CPQ: variants seen among roughly 807,000 people sequenced by gnomAD.
The protein encoded by CPQ is carboxypeptidase Q, also known as Ser-Met dipeptidase.
CPQ carries 37 observed loss-of-function variants against 45.7 expected under a neutral mutation model. The ratio of observed to expected loss-of-function variants is 0.81; its 90% CI spans 0.62 to 1.07. CPQ has a LOEUF of 1.07. CPQ is among the 50% of genes least tolerant of loss of function. CPQ has a pLI of 0.00. For synonymous variants in CPQ, 186 were observed against 205.8 expected, an observed-to-expected ratio of 0.90 and a Z score of 0.82; for missense variants, 537 against 572.9, an observed-to-expected ratio of 0.94 and a Z score of 0.64.
intron 4 of CPQ, among the ~76,000 whole-genome samples, chr8:96,916,731 G>T (rs1413889815): frequency 2.0e-5 from 3 of 151,996 alleles, no homozygotes; most frequent in African/African-American, 4.8e-5. Context: ...CACTACATTT[G>T]AAGTCACATC....
At chr8:96,680,001 A>G (rs1809128742) in intron 1 of CPQ, among the ~76,000 whole-genome samples, 1 of 152,096 alleles carries the variant, frequency 6.6e-6, no homozygotes, top group African/African-American at 2.4e-5. Context: ...CCTGAAATAC[A>G]TCATTAAGTT....
intron 4 of CPQ, among the ~76,000 whole-genome samples, chr8:96,911,367 G>A (rs771644888): frequency 5.3e-5 from 8 of 152,224 alleles, no homozygotes; most frequent in Non-Finnish European, 1.2e-4. Context: ...TCAGGCTGGT[G>A]CATATTCTCA....
At chr8:96,796,448 G>T (rs1026333378) in intron 2 of CPQ, among the ~76,000 whole-genome samples, 1 of 152,076 alleles carries the variant, frequency 6.6e-6, no homozygotes, top group Admixed American at 6.5e-5. Flanking sequence ...TGTTTTAAAA[G>T]ATATTAAGAT....
At chr8:96,680,976 A>G (rs1354813400) in intron 1 of CPQ, among the ~76,000 whole-genome samples, 1 of 152,192 alleles carries the variant, frequency 6.6e-6, no homozygotes, top group Non-Finnish European at 1.5e-5. Context: ...GATTTAGGGT[A>G]TCTAGTAGAA....
intron 5 of CPQ, among the ~76,000 whole-genome samples, chr8:96,987,446 A>G (rs1809006049): frequency 6.6e-6 from 1 of 152,148 alleles, no homozygotes; most frequent in Admixed American, 6.5e-5. Flanking sequence ...AAGAGAAAGG[A>G]AAGAAGAGAG....
chr8:96,956,746 G>T (rs2130347457), intron 4 of CPQ, among the ~76,000 whole-genome samples: 1 of 152,262 alleles, frequency 6.6e-6, no homozygotes, highest in Non-Finnish European at 1.5e-5. Context: ...AAGGATGCAA[G>T]AAAATGAAAT....
intron 4 of CPQ, among the ~76,000 whole-genome samples, chr8:96,915,836 A>T (rs1171105259): frequency 6.6e-6 from 1 of 152,116 alleles, no homozygotes. Context: ...TTTTTCTGGA[A>T]ATAGTACCTT....
rs544090207 is a variant in CPQ, at chr8:97,069,993, C to T, written c.1255+3783C>T. Among the ~76,000 whole-genome samples, 7 of 152,238 alleles carry T rather than the reference C, an allele frequency of 4.6e-5. No individual in the cohort carries two copies. The South Asian group carries it at 1.5e-3, about 32-fold the overall frequency. ...TCTTTGGGAGAGAAAAGATGATATC[C>T]TTTACCCATCTAGATGATATCTATA... On this transcript the variant is annotated intron_variant, in intron 7 of 7. Transcript: ENST00000220763.
intron 3 of CPQ, among the ~76,000 whole-genome samples, chr8:96,875,773 G>A (rs913195390): frequency 3.3e-5 from 5 of 151,328 alleles, no homozygotes; most frequent in African/African-American, 1.2e-4. Context: ...AACTTGTTTT[G>A]TTTATTTTGA....
intron 1 of CPQ, among the ~76,000 whole-genome samples, chr8:96,782,785 A>G (rs1264821040): frequency 6.6e-6 from 1 of 152,086 alleles, no homozygotes; most frequent in Non-Finnish European, 1.5e-5. Flanking sequence ...CTCCTTCAGT[A>G]TTTTGCTTAG....
intron 4 of CPQ, among the ~76,000 whole-genome samples, chr8:96,951,854 T>G (rs1813270909): frequency 1.6e-5 from 1 of 64,438 alleles, no homozygotes; most frequent in Non-Finnish European, 3.5e-5. Flanking sequence ...GAGAGAATTG[T>G]TTTTTTTTTG....
intron 6 of CPQ, among the ~76,000 whole-genome samples, chr8:97,038,031 C>T (rs1208269844): frequency 6.6e-6 from 1 of 152,108 alleles, no homozygotes. Context: ...TTTCATGTTT[C>T]TGGGAGAGCA....
chr8:96,749,343 A>G (rs1449726402), intron 1 of CPQ, among the ~76,000 whole-genome samples: 1 of 152,190 alleles, frequency 6.6e-6, no homozygotes, highest in Non-Finnish European at 1.5e-5. Context: ...AGTCAAGAAA[A>G]GTTCATATAT....
intron 7 of CPQ, among the ~76,000 whole-genome samples, chr8:97,091,794 C>A (rs1811129242): frequency 6.6e-6 from 1 of 151,340 alleles, no homozygotes; most frequent in Non-Finnish European, 1.5e-5. Flanking sequence ...TAAGGAAGAC[C>A]AAAGAGAATG....
intron 1 of CPQ, among the ~76,000 whole-genome samples, chr8:96,743,624 T>C (rs901702514): frequency 6.6e-6 from 1 of 152,022 alleles, no homozygotes; most frequent in African/African-American, 2.4e-5. Context: ...CTTTTGGTCT[T>C]TGATGATGGT....
intron 1 of CPQ, among the ~76,000 whole-genome samples, chr8:96,767,989 C>G (rs765580592): frequency 6.6e-6 from 1 of 152,022 alleles, no homozygotes; most frequent in Non-Finnish European, 1.5e-5. Flanking sequence ...CACCTCCAGC[C>G]TGGGATGTGG....
chr8:97,066,120 ATGAGCCTGC>A lies in CPQ; in HGVS notation c.1168_1176del (p.Ser390_Leu392del), dbSNP rs779090369. 1 of 1,612,404 alleles carries A rather than the reference ATGAGCCTGC, an allele frequency of 6.2e-7. No individual in the cohort carries two copies. Among genetic ancestry groups the A allele is most frequent in the Non-Finnish European group, 8.5e-7 (1 of 1,179,516 alleles). The stretch of plus-strand genomic sequence containing the variant: ...GGCCAGGGCCATCATGGAGGAGGTT[ATGAGCCTGC>A]TGCAGCCCCTCAATATCACTCAGGT... On this transcript the variant is annotated inframe_deletion, in exon 7 of 8. Coordinates refer to ENST00000220763, the MANE Select transcript of CPQ (RefSeq NM_016134.4).
At chr8:96,846,929 A>G (rs1811699929) in intron 3 of CPQ, among the ~76,000 whole-genome samples, 1 of 152,200 alleles carries the variant, frequency 6.6e-6, no homozygotes, top group Non-Finnish European at 1.5e-5. Flanking sequence ...TTATGACACT[A>G]ACATTTTCAA....
At chr8:96,855,462 G>A (rs558535699) in intron 3 of CPQ, among the ~76,000 whole-genome samples, 7 of 152,138 alleles carry the variant, frequency 4.6e-5, no homozygotes, top group African/African-American at 1.7e-4. Context: ...AGAAATAGGG[G>A]GATTAGCTTC....
Sources: allele counts gnomAD v4.1 joint callset (sites outside exome capture counted in the v4.1 genomes callset), GRCh38; gene constraint gnomAD v4.1.1; transcripts MANE v1.5; gene names NCBI Gene and HGNC (gene_info 2026-07-23, HGNC 2026-07-21).